Variants in IL7 observed in about 807,000 individuals in gnomAD.
IL7 encodes the protein interleukin 7, also known as interleukin-7.
A neutral mutation model predicts 21.6 loss-of-function variants in IL7; 3 were observed. The ratio of observed to expected loss-of-function variants is 0.14; its 90% CI spans 0.06 to 0.36. The LOEUF is 0.36. Among genes scored for constraint, IL7 ranks in the 10% least tolerant of loss-of-function variants. IL7 has a pLI of 1.00. For synonymous variants in IL7, 62 were observed against 68.1 expected (o/e 0.91, Z 0.44); for missense variants, 175 against 200.2 (o/e 0.87, Z 0.76).
chr8:78,747,102 G>A (rs1812004133), intron 2 of IL7: 1 of 455,770 alleles, frequency 2.2e-6, no homozygotes, highest in Non-Finnish European at 4.4e-6. Context: ...TGATTCTAAG[G>A]ATTGGAAAGT....
At chr8:78,747,163 G>T in intron 2 of IL7, 2 of 433,344 alleles carry the variant, frequency 4.6e-6, no homozygotes, top group East Asian at 7.2e-5. Context: ...AATAAAGTTG[G>T]TCCCTATAGA....
intron 2 of IL7, among the ~76,000 whole-genome samples, chr8:78,765,879 T>A (rs1157544475): frequency 2.0e-5 from 3 of 152,102 alleles, no homozygotes; most frequent in Non-Finnish European, 2.9e-5. Flanking sequence ...ATGTGAATAA[T>A]TATAGCAGCT....
chr8:78,707,234 A>T (rs986300086), intron 3 of IL7, among the ~76,000 whole-genome samples: 1 of 152,168 alleles, frequency 6.6e-6, no homozygotes, highest in Non-Finnish European at 1.5e-5. Context: ...TTAAAAGCTG[A>T]TATTTTTCAG....
chr8:78,793,321 A>G (rs1463766379), intron 2 of IL7, among the ~76,000 whole-genome samples: 2 of 152,088 alleles, frequency 1.3e-5, no homozygotes, highest in African/African-American at 4.8e-5. Context: ...AGATAGTGAT[A>G]ATGATTGCAT....
At chr8:78,686,869 T>C (rs10093127) in intron 3 of IL7, among the ~76,000 whole-genome samples, 98,529 of 151,908 alleles carry the variant, frequency 0.65, 33,802 homozygotes, top group East Asian at 0.9. Flanking sequence ...AAAATTATTA[T>C]AGTAACTATT....
chr8:78,786,111 T>C (rs1813501879), intron 2 of IL7, among the ~76,000 whole-genome samples: 1 of 152,202 alleles, frequency 6.6e-6, no homozygotes, highest in Admixed American at 6.5e-5. Flanking sequence ...CACTTAATGA[T>C]AGGGGATATA....
At chr8:78,687,907 AT>A (rs2130495704) in intron 3 of IL7, among the ~76,000 whole-genome samples, 1 of 55,782 alleles carries the variant, frequency 1.8e-5, no homozygotes, top group African/African-American at 4.3e-5. Context: ...ATATATATTT[AT>A]ATAAATATAT....
rs186325908 is a variant in IL7, at chr8:78,790,547, A to G, written c.147+7525T>C. ...ACTACTACGTGTAAGATGCTGGGCT[A>G]ATAGTCTGTGAGATACAAAGATGAC... On this transcript the variant is annotated intron_variant, in intron 2 of 5. Coordinates refer to ENST00000263851, the MANE Select transcript of IL7 (RefSeq NM_000880.4). 5.2e-3 allele frequency among the ~76,000 whole-genome samples: 785 copies of G among 152,304 alleles called. 10 individuals are homozygous for G. The highest frequency in any genetic ancestry group is 0.018 in the African/African-American group (758 of 41,578).
chr8:78,693,340 T>C (rs1046379737), intron 3 of IL7, among the ~76,000 whole-genome samples: 29 of 151,826 alleles, frequency 1.9e-4, no homozygotes, highest in African/African-American at 7.0e-4. Context: ...TAGTTTACAG[T>C]CCCACCAACA....
intron 4 of IL7, among the ~76,000 whole-genome samples, chr8:78,736,903 T>C (rs1001984307): frequency 2.0e-5 from 3 of 152,132 alleles, no homozygotes; most frequent in African/African-American, 7.2e-5. Flanking sequence ...ATACATTTTA[T>C]TAAGCTTCAC....
In IL7 at chr8:78,804,895, A is replaced by AG. The variant is rs778142363; in HGVS notation, c.10+17dup. The AG allele has an allele frequency of 3.2e-5, 52 of 1,612,820 alleles. No homozygotes were observed. Among genetic ancestry groups the AG allele is most frequent in the Middle Eastern group, 1.6e-4 (1 of 6,078 alleles). On this transcript the variant is annotated intron_variant, in intron 1 of 5. Transcript: ENST00000263851. ...CGTCGGGCGCGCGAACTTGTGCGCA[A>AG]GGGAGAAGAGCGCTTACCATGGAAC...
intron 3 of IL7, among the ~76,000 whole-genome samples, chr8:78,703,277 A>G (rs1222737758): frequency 6.6e-6 from 1 of 152,154 alleles, no homozygotes; most frequent in African/African-American, 2.4e-5. Context: ...TTCTGTAAAT[A>G]TCTATCAGGT....
intron 2 of IL7, among the ~76,000 whole-genome samples, chr8:78,755,145 C>T (rs932613566): frequency 1.3e-5 from 2 of 152,018 alleles, no homozygotes; most frequent in Non-Finnish European, 2.9e-5. Flanking sequence ...GCTGTAAATA[C>T]ATTGATTTAT....
At chr8:78,800,120 G>T (rs1563441187) in intron 1 of IL7, among the ~76,000 whole-genome samples, 1 of 152,004 alleles carries the variant, frequency 6.6e-6, no homozygotes. Context: ...ATTCCACCCT[G>T]TATGTCCATC....
intron 3 of IL7, chr8:78,697,346 C>A: frequency 7.4e-7 from 1 of 1,343,394 alleles, no homozygotes; most frequent in Non-Finnish European, 1.0e-6. Flanking sequence ...TTTTGAACCA[C>A]TACTTTACAA....
intron 3 of IL7, among the ~76,000 whole-genome samples, chr8:78,687,784 ACGTAATACAT>A (rs1810060253): frequency 7.5e-6 from 1 of 132,600 alleles, no homozygotes; most frequent in Non-Finnish European, 1.6e-5. Flanking sequence ...ATATATATTT[ACGTAATACAT>A]TATATATATT....
intron 2 of IL7, among the ~76,000 whole-genome samples, chr8:78,780,497 T>A (rs1205426590): frequency 6.6e-6 from 1 of 152,076 alleles, no homozygotes; most frequent in African/African-American, 2.4e-5. Context: ...TACCGAGGAG[T>A]CATTCAGGAT....
At chr8:78,767,820 T>C (rs1281045511) in intron 2 of IL7, among the ~76,000 whole-genome samples, 2 of 152,160 alleles carry the variant, frequency 1.3e-5, no homozygotes, top group African/African-American at 4.8e-5. Flanking sequence ...GTGCACAATG[T>C]GCAGGTTAGT....
Position 78,798,142 on chromosome 8 carries a change from T to C in IL7, c.77A>G (p.Asp26Gly), listed in dbSNP as rs765286105. 4.3e-6 allele frequency: 7 copies of C among 1,611,356 alleles called. No individual in the cohort carries two copies. In the South Asian group the frequency reaches 6.6e-5, roughly 15 times the overall value. Residue 26 changes from aspartate to glycine, a missense_variant, in exon 2 of 6, where the codon GAT becomes GGT. Transcript: ENST00000263851. ...GCCATCTTTACCTTCAATATCACAA[T>C]CAGATGATGCTACTGGCAACAGAAC... ...ILVLLPVASSDCDIEGKDGKQ... is the reference protein window; with the variant it reads ...ILVLLPVASSGCDIEGKDGKQ...
Sources: gnomAD v4.1 joint callset for allele counts (sites outside exome capture counted in the v4.1 genomes callset) on GRCh38, gnomAD v4.1.1 for gene constraint, MANE v1.5 for transcripts, NCBI Gene and HGNC (gene_info 2026-07-23, HGNC 2026-07-21) for gene names.